TRHDE: variants seen among roughly 807,000 people sequenced by gnomAD.
TRHDE encodes thyrotropin-releasing hormone-degrading ectoenzyme.
In TRHDE, 72 loss-of-function variants were observed where a neutral mutation model predicts 125.7. That is an observed-to-expected ratio of 0.57 (90% CI 0.47 to 0.70). The LOEUF is 0.70. Among genes scored for constraint, TRHDE ranks in the 30% least tolerant of loss-of-function variants. TRHDE has a pLI of 0.00. For synonymous variants in TRHDE, 509 were observed against 509.1 expected, an observed-to-expected ratio of 1.00 and a Z score of 0.00; for missense variants, 1,110 against 1,327.1, an observed-to-expected ratio of 0.84 and a Z score of 2.54.
intron 12 of TRHDE, among the ~76,000 whole-genome samples, chr12:72,614,895 A>T (rs1297455736): frequency 6.6e-6 from 1 of 152,172 alleles, no homozygotes; most frequent in Non-Finnish European, 1.5e-5. Context: ...GAGCATTTCA[A>T]CATCAGCTAA....
intron 1 of TRHDE, among the ~76,000 whole-genome samples, chr12:72,279,898 C>A (rs1399466625): frequency 6.6e-6 from 1 of 152,108 alleles, no homozygotes; most frequent in Non-Finnish European, 1.5e-5. Flanking sequence ...CACATCTTTC[C>A]TCATGACTAC....
chr12:72,242,833 A>G (rs1878508919), intron 2 of TRHDE, among the ~76,000 whole-genome samples: 1 of 152,198 alleles, frequency 6.6e-6, no homozygotes, highest in South Asian at 2.1e-4. Flanking sequence ...TGGGAGAGAC[A>G]GGTTGGAGAA....
At chr12:72,233,013 G>A (rs187946767) in intron 2 of TRHDE, among the ~76,000 whole-genome samples, 25 of 152,236 alleles carry the variant, frequency 1.6e-4, no homozygotes, top group African/African-American at 6.0e-4. Context: ...ATCTTGAATA[G>A]TGCCTCTACA....
At chr12:72,192,169 G>A (rs2139349408) in intron 2 of TRHDE, among the ~76,000 whole-genome samples, 1 of 152,048 alleles carries the variant, frequency 6.6e-6, no homozygotes, top group African/African-American at 2.4e-5. Flanking sequence ...ATTAGTTCAG[G>A]GTCTGCGTGA....
intron 3 of TRHDE, among the ~76,000 whole-genome samples, chr12:72,460,331 C>A (rs1026548559): frequency 6.6e-5 from 10 of 152,114 alleles, no homozygotes; most frequent in African/African-American, 2.4e-4. Flanking sequence ...GAATTGAGTT[C>A]ATGTTCTTAA....
chr12:72,433,143 A>G (rs1304915267), intron 3 of TRHDE, among the ~76,000 whole-genome samples: 2 of 152,148 alleles, frequency 1.3e-5, no homozygotes, highest in Non-Finnish European at 2.9e-5. Flanking sequence ...TTACTGGGAT[A>G]AGTGATATTT....
chr12:72,534,026 C>T (rs1036206745), intron 6 of TRHDE, among the ~76,000 whole-genome samples: 1 of 151,792 alleles, frequency 6.6e-6, no homozygotes, highest in East Asian at 1.9e-4. Flanking sequence ...TTGATGAGTA[C>T]CTGGGTATAG....
intron 2 of TRHDE, among the ~76,000 whole-genome samples, chr12:72,166,628 G>T (rs1346067943): frequency 5.9e-5 from 9 of 152,136 alleles, no homozygotes; most frequent in Non-Finnish European, 8.8e-5. Context: ...GCTTGTGCAG[G>T]TTCCTCTGAT....
intron 15 of TRHDE, among the ~76,000 whole-genome samples, chr12:72,631,786 A>T (rs1873506439): frequency 2.0e-5 from 3 of 151,978 alleles, no homozygotes; most frequent in Non-Finnish European, 4.4e-5. Context: ...TAATTGAGAA[A>T]AATGTATTAT....
At chr12:72,661,100 G>A (rs1005875326) in intron 18 of TRHDE, among the ~76,000 whole-genome samples, 7 of 152,070 alleles carry the variant, frequency 4.6e-5, no homozygotes, top group African/African-American at 1.7e-4. Context: ...AGCCCACAAG[G>A]GGAGTATTTA....
intron 1 of TRHDE, among the ~76,000 whole-genome samples, chr12:72,095,239 G>A (rs1198134969): frequency 3.3e-5 from 5 of 152,176 alleles, no homozygotes; most frequent in Admixed American, 3.3e-4. Context: ...AACACCCACG[G>A]ACCCCTGTTA....
At chr12:72,402,967 A>G (rs1380985098) in intron 3 of TRHDE, among the ~76,000 whole-genome samples, 3 of 152,164 alleles carry the variant, frequency 2.0e-5, no homozygotes, top group East Asian at 1.9e-4. Flanking sequence ...CAATCTCATT[A>G]TTTAGCCAGT....
intron 2 of TRHDE, among the ~76,000 whole-genome samples, chr12:72,126,777 A>ACATT (rs1875722770): frequency 6.6e-6 from 1 of 152,210 alleles, no homozygotes; most frequent in Non-Finnish European, 1.5e-5. Context: ...ACCACTCTGG[A>ACATT]CATTGGCTTT....
chr12:72,101,578 C>A (rs1875068634), intron 1 of TRHDE, among the ~76,000 whole-genome samples: 1 of 152,192 alleles, frequency 6.6e-6, no homozygotes, highest in African/African-American at 2.4e-5. Context: ...AATGCTGTAT[C>A]TTTCCATCTG....
chr12:72,556,624 T>C (rs567859266), intron 7 of TRHDE, among the ~76,000 whole-genome samples: 2 of 152,296 alleles, frequency 1.3e-5, no homozygotes, highest in African/African-American at 4.8e-5. Context: ...TAGTATTTTG[T>C]CCCTTCCATT....
chr12:72,506,695 T>G (rs182878919), intron 6 of TRHDE, among the ~76,000 whole-genome samples: 2 of 152,188 alleles, frequency 1.3e-5, no homozygotes, highest in South Asian at 4.1e-4. Context: ...TCAAGGCAAG[T>G]TATGATATGG....
chr12:72,258,832 G>C (rs894327067), intron 2 of TRHDE, among the ~76,000 whole-genome samples: 1 of 152,096 alleles, frequency 6.6e-6, no homozygotes, highest in African/African-American at 2.4e-5. Flanking sequence ...CCAAATTTCT[G>C]TTGTCCAATG....
intron 6 of TRHDE, among the ~76,000 whole-genome samples, chr12:72,523,031 C>G (rs918255753): frequency 6.6e-6 from 1 of 151,906 alleles, no homozygotes; most frequent in East Asian, 1.9e-4. Context: ...AGCTTTGAGA[C>G]CAAATGTTTT....
chr12:72,113,797 A>T (rs1169203638), intron 2 of TRHDE, among the ~76,000 whole-genome samples: 1 of 152,094 alleles, frequency 6.6e-6, no homozygotes, highest in Admixed American at 6.6e-5. Context: ...AATTGATATT[A>T]TGGTATTGGG....
Sources: gnomAD v4.1 joint callset for allele counts (sites outside exome capture counted in the v4.1 genomes callset) on GRCh38, gnomAD v4.1.1 for gene constraint, MANE v1.5 for transcripts, NCBI Gene and HGNC (gene_info 2026-07-23, HGNC 2026-07-21) for gene names.